HUWE1: variants seen among roughly 807,000 people sequenced by gnomAD.
HUWE1 encodes HECT, UBA and WWE domain containing E3 ubiquitin protein ligase 1.
In HUWE1, 18 loss-of-function variants were observed where a neutral mutation model predicts 299.4. The observed-to-expected ratio is 0.06, with a 90% CI of 0.04 to 0.09. The LOEUF is 0.09. Ranked by LOEUF, HUWE1 falls within the 10% of genes least tolerant of loss-of-function variation. The pLI, the probability that HUWE1 is intolerant of heterozygous loss-of-function variation, is 1.00. For synonymous variants in HUWE1, 1,317 were observed against 1,286.1 expected, an observed-to-expected ratio of 1.02 and a Z score of -0.51; for missense variants, 1,832 against 3,462.3, an observed-to-expected ratio of 0.53 and a Z score of 11.82.
intron 3 of HUWE1, among the ~76,000 whole-genome samples, chrX:53,658,245 T>C (rs1004128629): frequency 4.5e-5 from 5 of 110,769 alleles, no homozygotes; most frequent in African/African-American, 1.6e-4. Context: ...GGAGAGATAT[T>C]CCAAGTCCAT....
chrX:53,624,701 G>A, intron 18 of HUWE1, 26 bp from the exon 19 acceptor site: 2 of 1,047,000 alleles, frequency 1.9e-6, no homozygotes, highest in Non-Finnish European at 2.7e-6. Flanking sequence ...ACATTATGGA[G>A]AATACGAATA....
chrX:53,645,923 CAT>C (rs2068002577), intron 6 of HUWE1, among the ~76,000 whole-genome samples: 1 of 107,985 alleles, frequency 9.3e-6, no homozygotes, highest in Non-Finnish European at 1.9e-5. Context: ...GACAAATACA[CAT>C]GTGGGACTCA....
intron 43 of HUWE1, among the ~76,000 whole-genome samples, chrX:53,578,712 G>A (rs1477445243): frequency 1.2e-4 from 9 of 73,432 alleles, no homozygotes; most frequent in African/African-American, 1.6e-4. Context: ...CAGCCGCCCC[G>A]TCCGGGAGGT....
At chrX:53,685,202 AT>A (rs1267234119) in intron 2 of HUWE1, among the ~76,000 whole-genome samples, 1 of 111,464 alleles carries the variant, frequency 9.0e-6, no homozygotes, top group Non-Finnish European at 1.9e-5. Flanking sequence ...GTTTTAAAAT[AT>A]TTTTTTTCAG....
chrX:53,682,627 A>C (rs1258885474), intron 2 of HUWE1, among the ~76,000 whole-genome samples: 1 of 111,014 alleles, frequency 9.0e-6, no homozygotes, highest in Non-Finnish European at 1.9e-5. Flanking sequence ...CTTCCTTCTA[A>C]GGGATTCAGC....
chrX:53,607,455 T>C (rs1436703376), intron 25 of HUWE1, 68 bp downstream of exon 25: 8 of 988,716 alleles, frequency 8.1e-6, no homozygotes, highest in Non-Finnish European at 1.1e-5. Flanking sequence ...AGTAAAAACA[T>C]ATATACAGAA....
intron 47 of HUWE1, among the ~76,000 whole-genome samples, chrX:53,570,189 A>T (rs186238853): frequency 9.3e-6 from 1 of 108,096 alleles, no homozygotes; most frequent in East Asian, 2.8e-4. Flanking sequence ...CACAGGCATG[A>T]TCATCGCACA....
intron 65 of HUWE1, 57 bp from the exon 66 acceptor site, chrX:53,550,825 GT>G: frequency 8.4e-7 from 1 of 1,191,579 alleles, no homozygotes. Context: ...CTGGATATAG[GT>G]AATACAAAGG....
chrX:53,552,893 G>C lies in HUWE1; in HGVS notation c.8495C>G (p.Thr2832Ser). The C allele has an allele frequency of 8.3e-7, 1 of 1,211,718 alleles. No individual in the cohort carries two copies. Among genetic ancestry groups the C allele is most frequent in the Non-Finnish European group, 1.1e-6 (1 of 895,302 alleles). ...CTCAGCTCTCTCTGGGGAAAGTGAG[G>C]CTAGGAAGAAGTTGCAGGGAGAGGT... ...QMELSPAPTI[T>S]SLSPERAEDS... Residue 2832 changes from threonine (T) to serine (S), a missense_variant and splice_region_variant, in exon 62 of 84, where the codon ACC becomes AGC. Thr to Ser is a moderately conservative substitution (Grantham distance 58). Around this residue, in one of 15 missense-constraint regions of HUWE1, gnomAD observed 143 missense variants for 148.1 expected, o/e 0.97. Transcript: ENST00000262854.
At chrX:53,537,816 C>A in intron 77 of HUWE1, 120 bp from the exon 78 acceptor site, 1 of 740,786 alleles carries the variant, frequency 1.3e-6, no homozygotes, top group Non-Finnish European at 2.0e-6. Context: ...TTGATCTCTG[C>A]TCCACACCTG....
At position 53,546,603 on chromosome X, in the gene HUWE1, G is replaced by T; in HGVS notation, c.10759-11C>A. The T allele has an allele frequency of 8.3e-7, 1 of 1,209,609 alleles. No homozygotes were observed. ...GTGGGATGTCAACACCTGAGAAAAAGAAGACAGAAGGAGTAAGCCCCAGCC... is the reference window on the plus strand; with the variant it reads ...GTGGGATGTCAACACCTGAGAAAAATAAGACAGAAGGAGTAAGCCCCAGCC... On this transcript the variant is annotated splice_polypyrimidine_tract_variant and intron_variant, in intron 69 of 83. Transcript: ENST00000262854.
At chrX:53,586,458 C>T (rs782235756) in intron 39 of HUWE1, 32 bp downstream of exon 39, 12 of 1,033,149 alleles carry the variant, frequency 1.2e-5, no homozygotes, top group Middle Eastern at 2.5e-4. Flanking sequence ...GAAGCTAAAC[C>T]GTCCTGCAGT....
At position 53,646,794 on chromosome X, in the gene HUWE1, G is replaced by C. The variant is rs182633604; in HGVS notation, c.351+574C>G. 3.3e-3 allele frequency among the ~76,000 whole-genome samples: 372 copies of C among 111,975 alleles called. 1 individual carries two copies. The highest frequency in any genetic ancestry group is 6.4e-3 in the Admixed American group (68 of 10,551). ...ATTAACAGGGCACCTAACTAATGAT[G>C]ATAAAAAGTCTAAAGTTGGGCTTCT... On this transcript the variant is annotated intron_variant, in intron 6 of 83. Coordinates refer to ENST00000262854, the MANE Select transcript of HUWE1 (RefSeq NM_031407.7).
At chrX:53,625,541 T>C in intron 17 of HUWE1, 1 of 264,388 alleles carries the variant, frequency 3.8e-6, no homozygotes. Flanking sequence ...GTTCCCATTT[T>C]GGATATTATC....
chrX:53,542,677 C>T, intron 73 of HUWE1, 138 bp from the exon 74 acceptor site: 2 of 503,734 alleles, frequency 4.0e-6, no homozygotes, highest in Non-Finnish European at 7.1e-6. Flanking sequence ...AAAACTGTAG[C>T]TATCCAGGAC....
chrX:53,586,119 T>A (rs2063845811), intron 39 of HUWE1, among the ~76,000 whole-genome samples: 1 of 112,501 alleles, frequency 8.9e-6, no homozygotes, highest in African/African-American at 3.2e-5. Flanking sequence ...TTGTTTCTAC[T>A]GATTTTCCCT....
At chrX:53,601,239 G>A (rs1556990356) in intron 28 of HUWE1, among the ~76,000 whole-genome samples, 1 of 108,524 alleles carries the variant, frequency 9.2e-6, no homozygotes, top group South Asian at 4.1e-4. Flanking sequence ...TTGAGTGCAG[G>A]GGTATACTCA....
At chrX:53,594,350 T>C (rs782077669) in intron 31 of HUWE1, 149 bp downstream of exon 31, 2 of 655,490 alleles carry the variant, frequency 3.1e-6, no homozygotes, top group Admixed American at 2.9e-5. Context: ...ACATGGTTAC[T>C]TCCCAGAACA....
intron 8 of HUWE1, among the ~76,000 whole-genome samples, chrX:53,633,818 T>C (rs1243727792): frequency 1.8e-5 from 2 of 112,018 alleles, no homozygotes; most frequent in African/African-American, 6.5e-5. Flanking sequence ...CATTATAAGT[T>C]CTCAATAAAC....
Sources: allele counts gnomAD v4.1 joint callset (sites outside exome capture counted in the v4.1 genomes callset), GRCh38; gene constraint gnomAD v4.1.1; regional missense constraint gnomAD v4.1.1; transcripts MANE v1.5; gene names NCBI Gene and HGNC (gene_info 2026-07-23, HGNC 2026-07-21).